The following JMJD1C variants were observed in gnomAD, a reference collection of about 807,000 sequenced individuals.
JMJD1C encodes the protein jumonji domain containing 1C, also known as jumonji domain-containing protein 1C.
A neutral mutation model predicts 245.3 loss-of-function variants in JMJD1C; 31 were observed. That is an observed-to-expected ratio of 0.13 (90% confidence interval 0.09 to 0.17). The LOEUF (loss-of-function observed/expected upper bound fraction) is 0.17. Ranked by LOEUF, JMJD1C falls within the 10% of genes least tolerant of loss-of-function variation. JMJD1C has a pLI of 1.00. For missense variants in JMJD1C, 2,691 were observed against 3,000.2 expected (o/e 0.90, Z 2.41); for synonymous variants, 1,057 against 1,017.4 (o/e 1.04, Z -0.74).
chr10:63,395,478 A>T (rs1948425354), intron 1 of JMJD1C, among the ~76,000 whole-genome samples: 1 of 152,046 alleles, frequency 6.6e-6, no homozygotes, highest in Admixed American at 6.6e-5. Flanking sequence ...ACTCTGTCTC[A>T]AAAAAAAGAA....
intron 1 of JMJD1C, among the ~76,000 whole-genome samples, chr10:63,510,898 T>C (rs1467098674): frequency 6.6e-6 from 1 of 152,254 alleles, no homozygotes; most frequent in African/African-American, 2.4e-5. Context: ...TATTAAGAAT[T>C]GTTGTATCTT....
intron 2 of JMJD1C, among the ~76,000 whole-genome samples, chr10:63,295,961 G>A (rs1455549586): frequency 0.18 from 1,415 of 7,990 alleles, 22 homozygotes; most frequent in African/African-American, 0.24. Flanking sequence ...ACACGTATAT[G>A]TGTGTGTGTG....
intron 2 of JMJD1C, among the ~76,000 whole-genome samples, chr10:63,340,437 T>C (rs545174586): frequency 6.6e-6 from 1 of 152,316 alleles, no homozygotes; most frequent in Admixed American, 6.5e-5. Flanking sequence ...TTTTTACTTA[T>C]TCTCTGCTCT....
intron 2 of JMJD1C, among the ~76,000 whole-genome samples, chr10:63,299,137 G>A (rs577105351): frequency 6.6e-6 from 1 of 152,198 alleles, no homozygotes; most frequent in South Asian, 2.1e-4. Context: ...AATATGAAAA[G>A]TTTAGAAATA....
intron 1 of JMJD1C, chr10:63,427,333 A>T: frequency 9.4e-7 from 1 of 1,060,732 alleles, no homozygotes; most frequent in Non-Finnish European, 1.3e-6. Flanking sequence ...CGTGCTCCAG[A>T]GTTCCTGGGA....
intron 21 of JMJD1C, among the ~76,000 whole-genome samples, 156 bp from the exon 22 acceptor site, chr10:63,183,725 T>G (rs1211683242): frequency 6.6e-6 from 1 of 152,196 alleles, no homozygotes; most frequent in African/African-American, 2.4e-5. Context: ...CCACAATCTA[T>G]AAAAGACCCT....
At chr10:63,204,472 A>G (rs1846370697) in intron 10 of JMJD1C, 1 of 985,176 alleles carries the variant, frequency 1.0e-6, no homozygotes, top group African/African-American at 1.7e-5. Flanking sequence ...AGGCATTAAA[A>G]CCTGGAAGGT....
At chr10:63,396,161 C>T (rs1292633477) in intron 1 of JMJD1C, among the ~76,000 whole-genome samples, 4 of 151,872 alleles carry the variant, frequency 2.6e-5, no homozygotes, top group Admixed American at 1.3e-4. Context: ...AAAACCCATG[C>T]CACTCCCTTC....
At chr10:63,339,665 C>T (rs1943191721) in intron 2 of JMJD1C, among the ~76,000 whole-genome samples, 1 of 152,002 alleles carries the variant, frequency 6.6e-6, no homozygotes, top group Non-Finnish European at 1.5e-5. Context: ...GTGGCTCACG[C>T]CTATAATCCC....
intron 1 of JMJD1C, among the ~76,000 whole-genome samples, chr10:63,387,867 C>T (rs1344087041): frequency 6.6e-6 from 1 of 151,784 alleles, no homozygotes; most frequent in African/African-American, 2.4e-5. Flanking sequence ...GATCTCCTGA[C>T]CTTGTGATCT....
chr10:63,216,697 G>A (rs985502772), intron 5 of JMJD1C, among the ~76,000 whole-genome samples: 1 of 151,618 alleles, frequency 6.6e-6, no homozygotes, highest in Non-Finnish European at 1.5e-5. Context: ...GCGACAGAGC[G>A]AGACTCCAGC....
At chr10:63,500,086 T>A (rs947281842) in intron 1 of JMJD1C, among the ~76,000 whole-genome samples, 5 of 152,238 alleles carry the variant, frequency 3.3e-5, no homozygotes, top group South Asian at 2.1e-4. Flanking sequence ...AGGCCTGGCA[T>A]GTAATTCATG....
At chr10:63,408,943 G>A (rs1257362267) in intron 1 of JMJD1C, among the ~76,000 whole-genome samples, 3 of 152,114 alleles carry the variant, frequency 2.0e-5, no homozygotes, top group South Asian at 2.1e-4. Context: ...TGAATGTACT[G>A]AAATGATTTT....
chr10:63,331,306 C>T (rs1942114152), intron 2 of JMJD1C, among the ~76,000 whole-genome samples: 1 of 152,090 alleles, frequency 6.6e-6, no homozygotes, highest in South Asian at 2.1e-4. Context: ...CTCTTAAACC[C>T]ACTTCTCATT....
chr10:63,387,764 T>C (rs566243092), intron 1 of JMJD1C, among the ~76,000 whole-genome samples: 11 of 144,384 alleles, frequency 7.6e-5, no homozygotes, highest in Admixed American at 7.4e-4. Flanking sequence ...GCCTCCGGAG[T>C]AGCTGGGACT....
intron 3 of JMJD1C, among the ~76,000 whole-genome samples, chr10:63,249,072 T>C (rs1045339902): frequency 6.6e-6 from 1 of 152,208 alleles, no homozygotes; most frequent in African/African-American, 2.4e-5. Context: ...TCCCAGCACT[T>C]TGGGAGGCCA....
At chr10:63,222,678 C>A (rs553236118) in intron 3 of JMJD1C, 8 of 1,541,280 alleles carry the variant, frequency 5.2e-6, no homozygotes, top group African/African-American at 2.7e-5. Flanking sequence ...GTGGTGCATT[C>A]ATTTGATGGT....
chr10:63,216,583 G>T (rs1179968849), intron 5 of JMJD1C, among the ~76,000 whole-genome samples: 1 of 151,986 alleles, frequency 6.6e-6, no homozygotes, highest in Non-Finnish European at 1.5e-5. Flanking sequence ...GGTGGCGGGC[G>T]CCTGTAGTCA....
At chr10:63,295,023 A>T (rs373789298) in intron 2 of JMJD1C, among the ~76,000 whole-genome samples, 2 of 121,142 alleles carry the variant, frequency 1.7e-5, no homozygotes, top group African/African-American at 2.8e-5. Context: ...AGGTCATCAA[A>T]TTTAAAAAAC....
Sources: allele counts gnomAD v4.1 joint callset (sites outside exome capture counted in the v4.1 genomes callset), GRCh38; gene constraint gnomAD v4.1.1; transcripts MANE v1.5; gene names NCBI Gene and HGNC (gene_info 2026-07-23, HGNC 2026-07-21).